The following EYS variants were observed in gnomAD, a reference collection of about 807,000 sequenced individuals.
EYS encodes EGF-like photoreceptor maintenance factor.
In EYS, 250 loss-of-function variants were observed where a neutral mutation model predicts 282.1. The ratio of observed to expected loss-of-function variants is 0.89; its 90% CI spans 0.80 to 0.98. The LOEUF (loss-of-function observed/expected upper bound fraction) is 0.98. Among genes scored for constraint, EYS ranks in the 50% least tolerant of loss-of-function variants. The pLI, the probability that EYS is intolerant of heterozygous loss-of-function variation, is 0.00. For synonymous variants in EYS, 1,355 were observed against 1,282.9 expected (o/e 1.06, Z -1.20); for missense variants, 4,016 against 3,709.0 (o/e 1.08, Z -2.15).
intron 26 of EYS, among the ~76,000 whole-genome samples, chr6:64,547,490 A>G (rs892103487): frequency 6.6e-6 from 1 of 152,206 alleles, no homozygotes; most frequent in Non-Finnish European, 1.5e-5. Context: ...GTAGCTAGAT[A>G]CAGAGTGTCG....
chr6:65,398,342 T>C (rs112587065), intron 7 of EYS, among the ~76,000 whole-genome samples: 8,332 of 152,086 alleles, frequency 0.055, 327 homozygotes, highest in African/African-American at 0.11. Context: ...AAATTGATCT[T>C]TGAAAAAGTC....
At chr6:65,257,438 G>T (rs1227021104) in intron 12 of EYS, among the ~76,000 whole-genome samples, 1 of 123,956 alleles carries the variant, frequency 8.1e-6, no homozygotes, top group South Asian at 2.3e-4. Context: ...ATCTTGAATT[G>T]ATTTTTGTAT....
intron 39 of EYS, among the ~76,000 whole-genome samples, chr6:63,780,286 T>C (rs893488996): frequency 1.3e-5 from 2 of 152,264 alleles, no homozygotes; most frequent in African/African-American, 2.4e-5. Flanking sequence ...CTGGGTCAAA[T>C]GGTATTTCTA....
intron 40 of EYS, among the ~76,000 whole-genome samples, chr6:63,768,584 T>C (rs1769854704): frequency 6.6e-6 from 1 of 151,996 alleles, no homozygotes. Flanking sequence ...TGACAGCCAT[T>C]GGTGAGGTTG....
At chr6:65,252,848 G>A (rs538519114) in intron 12 of EYS, among the ~76,000 whole-genome samples, 44 of 151,992 alleles carry the variant, frequency 2.9e-4, no homozygotes, top group African/African-American at 9.2e-4. Context: ...GTTCAATTCA[G>A]AATGAAGATG....
chr6:64,353,376 T>C (rs761478670), intron 29 of EYS, among the ~76,000 whole-genome samples: 31 of 151,578 alleles, frequency 2.0e-4, no homozygotes, highest in Non-Finnish European at 3.4e-4. Flanking sequence ...TTTTTAAAAA[T>C]TTATTTCTCC....
intron 12 of EYS, among the ~76,000 whole-genome samples, chr6:65,229,576 T>A (rs773577603): frequency 9.9e-5 from 15 of 151,244 alleles, no homozygotes; most frequent in Non-Finnish European, 2.1e-4. Context: ...AGAAAGAAGG[T>A]TCTCTAATGT....
intron 22 of EYS, among the ~76,000 whole-genome samples, chr6:64,641,464 T>C (rs1768150819): frequency 6.6e-6 from 1 of 152,192 alleles, no homozygotes; most frequent in Non-Finnish European, 1.5e-5. Flanking sequence ...TGGTACAGAT[T>C]GCATGGTACA....
At chr6:65,087,648 T>C (rs1035084733) in intron 12 of EYS, among the ~76,000 whole-genome samples, 1 of 152,126 alleles carries the variant, frequency 6.6e-6, no homozygotes, top group African/African-American at 2.4e-5. Context: ...ATCTGAGCCA[T>C]GGGCCAGAAT....
At chr6:65,431,925 A>T (rs1767903496) in intron 5 of EYS, among the ~76,000 whole-genome samples, 1 of 152,160 alleles carries the variant, frequency 6.6e-6, no homozygotes, top group Non-Finnish European at 1.5e-5. Context: ...TGTATTTGAC[A>T]ATGTTGAGCA....
chr6:64,084,578 T>C (rs2149871178), intron 31 of EYS, among the ~76,000 whole-genome samples: 1 of 152,314 alleles, frequency 6.6e-6, no homozygotes, highest in African/African-American at 2.4e-5. Context: ...CCATTGAAGT[T>C]AGTCTTATAC....
At chr6:64,939,308 T>A (rs911283024) in intron 15 of EYS, among the ~76,000 whole-genome samples, 1 of 151,704 alleles carries the variant, frequency 6.6e-6, no homozygotes. Flanking sequence ...ATAAAGCAAA[T>A]AATATATCAA....
At position 64,033,827 on chromosome 6, in the gene EYS, ACTCTCTCT is replaced by A. The variant is rs71708335; in HGVS notation, c.6725+32503_6725+32510del. Among the ~76,000 whole-genome samples, 18 of 148,622 alleles carry A rather than the reference ACTCTCTCT, an allele frequency of 1.2e-4. 1 individual carries two copies. The highest frequency in any genetic ancestry group is 3.3e-4 in the African/African-American group (13 of 39,700). ...AAGTAATTCTGACACAAATGAGATT[ACTCTCTCT>A]CTCTCTCTCTCTATATATATATATA... On this transcript the variant is annotated intron_variant, in intron 33 of 42. Transcript: ENST00000503581.
At chr6:64,525,395 C>T (rs1777883128) in intron 26 of EYS, among the ~76,000 whole-genome samples, 1 of 151,738 alleles carries the variant, frequency 6.6e-6, no homozygotes, top group African/African-American at 2.4e-5. Context: ...TGCTGGAGGC[C>T]ATTATCCTTA....
chr6:65,403,615 G>A (rs535176797), intron 6 of EYS, among the ~76,000 whole-genome samples: 1 of 151,870 alleles, frequency 6.6e-6, no homozygotes, highest in East Asian at 1.9e-4. Flanking sequence ...CAGTACAAAT[G>A]ATAACATGTA....
chr6:65,684,499 C>T lies in EYS; in HGVS notation c.-448+22636G>A, dbSNP rs116306439. ...TTGCTGAGCTGCAGAAATGTATAGA[C>T]GCTATATGGTACAGAAATGAAGTGT... is the stretch of plus-strand genomic sequence containing the variant. On this transcript the variant is annotated intron_variant, in intron 1 of 42. Transcript: ENST00000503581. 6.4e-3 allele frequency among the ~76,000 whole-genome samples: 968 copies of T among 151,964 alleles called. 10 individuals are homozygous for T. The highest frequency in any genetic ancestry group is 0.022 in the African/African-American group (910 of 41,488).
Position 64,593,207 on chromosome 6 carries a change from T to G in EYS, c.3787A>C (p.Ile1263Leu). ...TDPISTQTYT[I>L]PPSETLVSSF... The stretch of plus-strand genomic sequence containing the variant: ...CTGACCAAAGTCTCAGAAGGGGGAA[T>G]TGTATATGTCTGTGTGGAAATGGGA... The change falls in exon 25 of 43, where the codon ATT becomes CTT. Residue 1263 changes from isoleucine (I) to leucine (L), a missense_variant. Ile to Leu is a conservative substitution (Grantham distance 5, BLOSUM62 2). Transcript: ENST00000503581. 6.5e-7 allele frequency: 1 copy of G among 1,549,482 alleles called. No individual in the cohort carries two copies. The highest frequency in any genetic ancestry group is 8.7e-7 in the Non-Finnish European group (1 of 1,145,966).
At chr6:63,754,016 C>T (rs1769413408) in intron 41 of EYS, among the ~76,000 whole-genome samples, 3 of 152,084 alleles carry the variant, frequency 2.0e-5, no homozygotes, top group African/African-American at 7.2e-5. Context: ...AGAAATAATG[C>T]ATTTATCATG....
chr6:64,590,676 A>C lies in EYS; in HGVS notation c.5191T>G (p.Ser1731Ala). 6.4e-7 allele frequency: 1 copy of C among 1,551,286 alleles called. No individual in the cohort carries two copies. The highest frequency in any genetic ancestry group is 8.7e-7 in the Non-Finnish European group (1 of 1,146,736). ...GGGTGAAGTTTGAACAGTGTATGAG[A>C]TCCTTTACTTTTTTCCATGTCCAAT... Reference protein sequence around the residue: ...SLLDMEKSKGSHTLFKLHPSD... With the variant: ...SLLDMEKSKGAHTLFKLHPSD... The change falls in exon 26 of 43, where the codon TCT becomes GCT. Residue 1731 changes from serine to alanine, a missense_variant. Physicochemically the swap from Ser to Ala is moderately conservative, Grantham distance 99. Transcript: ENST00000503581.
Sources: gnomAD v4.1 joint callset for allele counts (sites outside exome capture counted in the v4.1 genomes callset) on GRCh38, gnomAD v4.1.1 for gene constraint, MANE v1.5 for transcripts, NCBI Gene and HGNC (gene_info 2026-07-23, HGNC 2026-07-21) for gene names.